Variants in TSGA10 observed in about 807,000 individuals in gnomAD.
The protein encoded by TSGA10 is testis-specific gene 10 protein.
TSGA10 carries 43 observed loss-of-function variants against 96.6 expected under a neutral mutation model. That is an observed-to-expected ratio of 0.44 (90% CI 0.35 to 0.57). TSGA10 has a LOEUF of 0.57. Ranked by LOEUF, TSGA10 falls within the 20% of genes least tolerant of loss-of-function variation. The pLI, the probability that TSGA10 is intolerant of heterozygous loss-of-function variation, is 0.01. For synonymous variants in TSGA10, 229 were observed against 269.9 expected (o/e 0.85, Z 1.48); for missense variants, 703 against 834.4 (o/e 0.84, Z 1.94).
At chr2:99,007,257 A>G (rs564784382) in intron 20 of TSGA10, among the ~76,000 whole-genome samples, 12 of 152,342 alleles carry the variant, frequency 7.9e-5, no homozygotes, top group African/African-American at 2.6e-4. Flanking sequence ...AAACCTGCAC[A>G]TTGTGCACAT....
intron 10 of TSGA10, among the ~76,000 whole-genome samples, chr2:99,084,620 G>GT (rs1370100914): frequency 6.6e-6 from 1 of 151,976 alleles, no homozygotes; most frequent in African/African-American, 2.4e-5. Context: ...CCACACTCAG[G>GT]TATTTCTTTA....
intron 1 of TSGA10, among the ~76,000 whole-genome samples, chr2:99,135,231 C>A (rs2093276249): frequency 6.6e-6 from 1 of 152,206 alleles, no homozygotes; most frequent in Admixed American, 6.5e-5. Context: ...GGAGTTTTAT[C>A]TATAAGCCCC....
Position 99,112,905 on chromosome 2 carries a change from C to A in TSGA10, c.-139-1990G>T, listed in dbSNP as rs548902664. On this transcript the variant is annotated intron_variant, in intron 4 of 20. Transcript: ENST00000393483. ...GACAAACAAAGACTTTACACAATGT[C>A]TTCCACACAGCGGGCTCTGAAATAC... 1.7e-3 allele frequency among the ~76,000 whole-genome samples: 253 copies of A among 145,920 alleles called. 1 individual carries two copies. The highest frequency in any genetic ancestry group is 0.01 in the Middle Eastern group (3 of 286).
At chr2:99,141,504 C>G (rs2093553442) in intron 1 of TSGA10, 1 of 156,350 alleles carries the variant, frequency 6.4e-6, no homozygotes, top group East Asian at 1.9e-4. Context: ...GTACGTCTAC[C>G]TGCCTGCCTT....
At chr2:99,089,410 G>A (rs576651873) in intron 10 of TSGA10, among the ~76,000 whole-genome samples, 2 of 152,296 alleles carry the variant, frequency 1.3e-5, no homozygotes, top group African/African-American at 4.8e-5. Context: ...ACAGAACTCA[G>A]GGAAAGAGGT....
At chr2:99,044,496 T>C (rs1201208674) in intron 16 of TSGA10, among the ~76,000 whole-genome samples, 1 of 152,088 alleles carries the variant, frequency 6.6e-6, no homozygotes, top group African/African-American at 2.4e-5. Flanking sequence ...ATCCTAAATA[T>C]ATATGCACCC....
intron 14 of TSGA10, among the ~76,000 whole-genome samples, chr2:99,069,619 T>C (rs1034854892): frequency 3.4e-5 from 5 of 146,350 alleles, no homozygotes; most frequent in Admixed American, 1.4e-4. Flanking sequence ...AACAACATAG[T>C]GGGAACCCAA....
At position 99,020,501 on chromosome 2, in the gene TSGA10, A is replaced by C; in HGVS notation, c.1615-19T>G. On this transcript the variant is annotated intron_variant, in intron 17 of 20. Coordinates refer to ENST00000393483, the MANE Select transcript of TSGA10 (RefSeq NM_025244.4). ...TCTCCCTCTGTTCAATAACAAGAAGATATCTACACTTATTCCCATTAATTC... is the reference window on the plus strand; with the variant it reads ...TCTCCCTCTGTTCAATAACAAGAAGCTATCTACACTTATTCCCATTAATTC... 1 of 1,552,480 alleles carries C rather than the reference A, an allele frequency of 6.4e-7. No homozygotes were observed. The highest frequency in any genetic ancestry group is 8.9e-7 in the Non-Finnish European group (1 of 1,126,386).
intron 10 of TSGA10, among the ~76,000 whole-genome samples, chr2:99,095,086 T>A (rs1012547443): frequency 6.6e-6 from 1 of 152,102 alleles, no homozygotes; most frequent in Non-Finnish European, 1.5e-5. Flanking sequence ...AATGAAATAA[T>A]CACATTCGCA....
At chr2:99,040,749 T>C (rs2082109689) in intron 16 of TSGA10, among the ~76,000 whole-genome samples, 1 of 150,906 alleles carries the variant, frequency 6.6e-6, no homozygotes, top group Non-Finnish European at 1.5e-5. Context: ...TCATTCTTCA[T>C]AGAACCAGAA....
At chr2:99,120,600 T>G (rs369131742) in intron 2 of TSGA10, among the ~76,000 whole-genome samples, 2 of 152,266 alleles carry the variant, frequency 1.3e-5, no homozygotes, top group East Asian at 1.9e-4. Context: ...TTGTTAAAAA[T>G]TTTTATTTTT....
chr2:99,139,787 C>T (rs1383276141), intron 1 of TSGA10, among the ~76,000 whole-genome samples: 3 of 152,044 alleles, frequency 2.0e-5, no homozygotes, highest in African/African-American at 7.2e-5. Flanking sequence ...CAAAAACAAG[C>T]CAAACTGTAA....
chr2:99,122,846 T>C (rs2092648592), intron 2 of TSGA10, among the ~76,000 whole-genome samples: 1 of 152,044 alleles, frequency 6.6e-6, no homozygotes, highest in Non-Finnish European at 1.5e-5. Flanking sequence ...TTTTTTGCTC[T>C]ATATATTGTT....
At chr2:99,041,340 C>T (rs748383945) in intron 16 of TSGA10, among the ~76,000 whole-genome samples, 58 of 152,082 alleles carry the variant, frequency 3.8e-4, no homozygotes, top group Admixed American at 6.6e-4. Context: ...TATTTCTTTG[C>T]GACACCAGGG....
At chr2:99,076,615 G>T (rs961099513) in intron 12 of TSGA10, among the ~76,000 whole-genome samples, 4 of 151,886 alleles carry the variant, frequency 2.6e-5, no homozygotes, top group Non-Finnish European at 4.4e-5. Context: ...ACACTGTAAG[G>T]TTGCAATGAG....
At chr2:99,101,244 CAAAAAAAAAAAAAA>C (rs869263270) in intron 10 of TSGA10, among the ~76,000 whole-genome samples, 2 of 24,348 alleles carry the variant, frequency 8.2e-5, no homozygotes, top group Non-Finnish European at 1.3e-4. Context: ...GACTCTGTCT[CAAAAAAAAAAAAAA>C]AAAAAAAAAA....
At chr2:99,012,358 G>C (rs961845561) in intron 20 of TSGA10, among the ~76,000 whole-genome samples, 1 of 152,116 alleles carries the variant, frequency 6.6e-6, no homozygotes, top group Non-Finnish European at 1.5e-5. Flanking sequence ...AATGTAAAGA[G>C]CCTAAATAGT....
Position 99,150,635 on chromosome 2 carries a change from T to C in TSGA10, c.-621+4058A>G, listed in dbSNP as rs762582689. ...GATTCAAAAGTGGATGATCACTTAA[T>C]ACGAGGGACTGAAAAAAGCAGGTTG... On this transcript the variant is annotated intron_variant, in intron 1 of 20. Coordinates refer to ENST00000393483, the MANE Select transcript of TSGA10 (RefSeq NM_025244.4). 5.0e-6 allele frequency: 8 copies of C among 1,614,126 alleles called. No individual in the cohort carries two copies. In the South Asian group the frequency reaches 6.6e-5, roughly 13 times the overall value.
chr2:99,129,395 G>A (rs750300343), intron 1 of TSGA10, among the ~76,000 whole-genome samples: 4 of 152,174 alleles, frequency 2.6e-5, no homozygotes, highest in Non-Finnish European at 5.9e-5. Flanking sequence ...GTGTGATAAA[G>A]CATACAAAAT....
Sources: gnomAD v4.1 joint callset for allele counts (sites outside exome capture counted in the v4.1 genomes callset) on GRCh38, gnomAD v4.1.1 for gene constraint, MANE v1.5 for transcripts, NCBI Gene and HGNC (gene_info 2026-07-23, HGNC 2026-07-21) for gene names.